Variants in C21orf58 observed in about 807,000 individuals in gnomAD.
The protein encoded by C21orf58 is chromosome 21 open reading frame 58.
C21orf58 carries 34 observed loss-of-function variants against 35.8 expected under a neutral mutation model. That is an observed-to-expected ratio of 0.95 (90% CI 0.72 to 1.26). The LOEUF is 1.26. C21orf58 is among the 50% of genes most tolerant of loss of function. The pLI, the probability that C21orf58 is intolerant of heterozygous loss-of-function variation, is 0.00. For missense variants in C21orf58, 440 were observed against 414.3 expected (o/e 1.06, Z -0.54); for synonymous variants, 191 against 175.8 (o/e 1.09, Z -0.68).
chr21:46,307,292 A>C (rs1340626623), intron 6 of C21orf58, among the ~76,000 whole-genome samples: 1 of 152,168 alleles, frequency 6.6e-6, no homozygotes, highest in African/African-American at 2.4e-5. Context: ...GATGACAGGC[A>C]TGAGCCACTG....
intron 6 of C21orf58, among the ~76,000 whole-genome samples, chr21:46,310,075 A>T (rs1371812849): frequency 2.0e-5 from 3 of 152,190 alleles, no homozygotes; most frequent in African/African-American, 7.2e-5. Context: ...CAGCAGTTGC[A>T]TGGGGGTGTA....
chr21:46,305,114 C>A (rs2145936249), intron 6 of C21orf58, among the ~76,000 whole-genome samples: 1 of 152,280 alleles, frequency 6.6e-6, no homozygotes. Context: ...ACACATCGAA[C>A]ACAGTCAAAC....
Position 46,323,835 on chromosome 21 carries a change from G to A in C21orf58, c.-1097C>T, listed in dbSNP as rs1221360024. 3.0e-5 allele frequency: 11 copies of A among 362,326 alleles called. No individual in the cohort carries two copies. Among genetic ancestry groups the A allele is most frequent in the African/African-American group, 8.7e-5 (4 of 45,890 alleles). 22.4% of individuals were successfully genotyped at this position (362,326 alleles called of 1,614,324 possible). ...CTGTCCTGGTGGACACAAAGCCCAG[G>A]GGCCGCCCGCGCGGGACCAGCAGCG... On this transcript the variant is annotated 5_prime_UTR_variant, in exon 1 of 8. Transcript: ENST00000291691.
At chr21:46,304,062 T>C (rs1350405084) in intron 6 of C21orf58, among the ~76,000 whole-genome samples, 2 of 121,106 alleles carry the variant, frequency 1.7e-5, no homozygotes, top group African/African-American at 6.4e-5. Context: ...AGTCTCACTG[T>C]GTCACCCAGG....
chr21:46,309,365 G>A (rs972441489), intron 6 of C21orf58, among the ~76,000 whole-genome samples: 8 of 151,902 alleles, frequency 5.3e-5, no homozygotes, highest in African/African-American at 1.9e-4. Flanking sequence ...GGGAGGCTGA[G>A]GCAGGAGAAT....
Position 46,323,017 on chromosome 21 carries a change from A to G in C21orf58, c.-279T>C, listed in dbSNP as rs1444390697. The G allele has an allele frequency of 6.9e-6, 2 of 290,090 alleles. No individual in the cohort carries two copies. The highest frequency in any genetic ancestry group is 1.2e-4 in the South Asian group (1 of 8,050). The allele number at this position is 290,090 out of a possible 1,614,324, so 18.0% of individuals were successfully genotyped here. A position where few individuals can be genotyped will look rare whatever the true frequency, so the allele number is the denominator to read the frequency against. On this transcript the variant is annotated 5_prime_UTR_variant, in exon 1 of 8. The change abolishes an upstream ATG in the 5' untranslated region. Coordinates refer to ENST00000291691, the MANE Select transcript of C21orf58 (RefSeq NM_058180.5). ...AAACCCAGAAACCAGACTTGGACAC[A>G]TGAAATAAAGGGGTTAGCTGAAGGA... is the stretch of plus-strand genomic sequence containing the variant.
intron 6 of C21orf58, among the ~76,000 whole-genome samples, 154 bp from the exon 7 acceptor site, chr21:46,302,730 C>T (rs1014158625): frequency 6.7e-6 from 1 of 149,636 alleles, no homozygotes; most frequent in African/African-American, 2.5e-5. Context: ...GGTGCGGGTC[C>T]CCGGGGCGCG....
At chr21:46,319,416 G>A (rs748284693) in intron 1 of C21orf58, among the ~76,000 whole-genome samples, 1 of 152,228 alleles carries the variant, frequency 6.6e-6, no homozygotes. Flanking sequence ...CCAGATGGCA[G>A]TCAGGGGTCC....
intron 3 of C21orf58, among the ~76,000 whole-genome samples, chr21:46,316,667 A>G (rs1405279203): frequency 6.6e-6 from 1 of 152,198 alleles, no homozygotes; most frequent in Non-Finnish European, 1.5e-5. Flanking sequence ...TAGCCATTCT[A>G]TTCCCTCGCA....
chr21:46,316,224 G>A (rs1029853727), intron 3 of C21orf58, among the ~76,000 whole-genome samples: 1 of 152,110 alleles, frequency 6.6e-6, no homozygotes, highest in Non-Finnish European at 1.5e-5. Flanking sequence ...AGGAGGCCGA[G>A]GTGGGTGGAT....
chr21:46,318,150 A>G lies in C21orf58; in HGVS notation c.171T>C (p.Phe57=). ...TGAWAPAEQF[F]PASNRTREGG... is the part of the protein sequence containing the mutation. Reference sequence around the variant, plus strand: ...CCTCCCTGGTTCTGTTACTCGCAGGAAAGAACTGCTCAGCAGGAGCCCAAG... The same window carrying G: ...CCTCCCTGGTTCTGTTACTCGCAGGGAAGAACTGCTCAGCAGGAGCCCAAG... The change falls in exon 2 of 8, where the codon TTT becomes TTC. Residue 57 remains phenylalanine, a synonymous_variant. Coordinates refer to ENST00000291691, the MANE Select transcript of C21orf58 (RefSeq NM_058180.5). The G allele has an allele frequency of 1.9e-6, 3 of 1,613,118 alleles. No homozygotes were observed. Among genetic ancestry groups the G allele is most frequent in the Non-Finnish European group, 1.7e-6 (2 of 1,180,012 alleles).
chr21:46,319,685 T>C (rs2083091621), intron 1 of C21orf58, among the ~76,000 whole-genome samples: 7 of 151,438 alleles, frequency 4.6e-5, no homozygotes. Context: ...GATCACGAGG[T>C]CAGGAGGTCG....
chr21:46,320,260 G>A (rs971528013), intron 1 of C21orf58, among the ~76,000 whole-genome samples: 4 of 151,844 alleles, frequency 2.6e-5, no homozygotes, highest in Non-Finnish European at 5.9e-5. Context: ...ACGCCACCAC[G>A]CCCAGTTAAT....
chr21:46,316,068 G>A (rs1235211720), intron 3 of C21orf58, among the ~76,000 whole-genome samples: 1 of 152,028 alleles, frequency 6.6e-6, no homozygotes, highest in Non-Finnish European at 1.5e-5. Context: ...AGGATTGCTT[G>A]ATCCCAGGAG....
At chr21:46,301,080 T>C, downstream of C21orf58, 1 of 1,013,574 alleles carries the variant, frequency 9.9e-7, no homozygotes, top group South Asian at 3.6e-5. Context: ...GCATTAGCAC[T>C]CTCCCTTTTT....
intron 6 of C21orf58, among the ~76,000 whole-genome samples, chr21:46,305,756 G>A (rs1343840774): frequency 6.6e-6 from 1 of 151,720 alleles, no homozygotes; most frequent in South Asian, 2.1e-4. Flanking sequence ...TGGCTAACAC[G>A]GTGAAACCCC....
intron 6 of C21orf58, among the ~76,000 whole-genome samples, chr21:46,305,017 A>G (rs1381957693): frequency 2.0e-5 from 3 of 152,228 alleles, no homozygotes; most frequent in African/African-American, 7.2e-5. Flanking sequence ...TCATAGAAAC[A>G]GAACACAGGA....
chr21:46,317,319 T>C lies in C21orf58; in HGVS notation c.310-51A>G, dbSNP rs182157125. On this transcript the variant is annotated intron_variant, in intron 2 of 7. Coordinates refer to ENST00000291691, the MANE Select transcript of C21orf58 (RefSeq NM_058180.5). The stretch of plus-strand genomic sequence containing the variant: ...AGACGGTGGCTCCACGCAAAGGCCC[T>C]GTGTGCTCCAGGAATGACTAAGAGG... The C allele has an allele frequency of 1.3e-4, 208 of 1,593,296 alleles. No individual in the cohort carries two copies. In the African/African-American group the frequency reaches 2.5e-3, roughly 19 times the overall value.
chr21:46,315,102 C>T lies in C21orf58; in HGVS notation c.445-222G>A, dbSNP rs112886521. The T allele has an allele frequency of 6.8e-5, 89 of 1,318,342 alleles. 2 individuals are homozygous for T. The African/African-American group carries it at 9.7e-4, about 14-fold the overall frequency. The allele number at this position is 1,318,342 out of a possible 1,614,324, so 81.7% of individuals were successfully genotyped here. ...GTTTCCAGTTGTTTTCTTTTTCCAG[C>T]CCCAGGGTCTGTTCTCTCTTTCAAG... On this transcript the variant is annotated intron_variant, in intron 4 of 7. Transcript: ENST00000291691.
Sources: gnomAD v4.1 joint callset for allele counts (sites outside exome capture counted in the v4.1 genomes callset) on GRCh38, gnomAD v4.1.1 for gene constraint, MANE v1.5 for transcripts, NCBI Gene and HGNC (gene_info 2026-07-23, HGNC 2026-07-21) for gene names.